KCTD8: variants seen among roughly 807,000 people sequenced by gnomAD.
KCTD8 encodes the protein BTB/POZ domain-containing protein KCTD8.
A neutral mutation model predicts 31.5 loss-of-function variants in KCTD8; 27 were observed. The ratio of observed to expected loss-of-function variants is 0.86; its 90% confidence interval spans 0.63 to 1.18. The LOEUF is 1.18. KCTD8 is among the 50% of genes most tolerant of loss of function. The pLI, the probability that KCTD8 is intolerant of heterozygous loss-of-function variation, is 0.00. For missense variants in KCTD8, 658 were observed against 647.7 expected (o/e 1.02, Z -0.17); for synonymous variants, 290 against 280.0 (o/e 1.04, Z -0.36).
chr4:44,272,379 C>T (rs994129881), intron 1 of KCTD8, among the ~76,000 whole-genome samples: 5 of 151,440 alleles, frequency 3.3e-5, no homozygotes, highest in African/African-American at 4.9e-5. Flanking sequence ...TTATGGAATC[C>T]GCACAGACTT....
chr4:44,325,723 G>A (rs906972697), intron 1 of KCTD8, among the ~76,000 whole-genome samples: 1 of 151,734 alleles, frequency 6.6e-6, no homozygotes, highest in African/African-American at 2.4e-5. Flanking sequence ...AGATATTATC[G>A]GCAGGCTTGC....
In KCTD8 at chr4:44,448,226, C is replaced by A. The variant is rs377066294; in HGVS notation, c.298G>T (p.Asp100Tyr). Reference protein sequence around the residue: ...PRDSRARFFIDRDGFLFRYVL... With the variant: ...PRDSRARFFIYRDGFLFRYVL... ...TACCTGAAAAGGAAGCCGTCCCGGT[C>A]GATGAAGAAGCGCGCCCGGCTGTCC... The change falls in exon 1 of 2, where the codon GAC becomes TAC. Residue 100 changes from aspartate to tyrosine, a missense_variant. Coordinates refer to ENST00000360029, the MANE Select transcript of KCTD8 (RefSeq NM_198353.3). The surrounding 1 kb of genome is among the most constrained non-coding windows in gnomAD (Gnocchi z 4.1). 2 of 1,611,914 alleles carry A rather than the reference C, an allele frequency of 1.2e-6. No individual in the cohort carries two copies. Among genetic ancestry groups the A allele is most frequent in the South Asian group, 1.1e-5 (1 of 90,962 alleles).
chr4:44,445,573 G>A (rs1721918625), intron 1 of KCTD8, among the ~76,000 whole-genome samples: 1 of 152,010 alleles, frequency 6.6e-6, no homozygotes, highest in African/African-American at 2.4e-5. Context: ...TATACTAAGG[G>A]CACTTTTTTC....
intron 1 of KCTD8, among the ~76,000 whole-genome samples, chr4:44,240,500 G>T (rs540907697): frequency 6.6e-6 from 1 of 152,156 alleles, no homozygotes; most frequent in African/African-American, 2.4e-5. Context: ...GATTTTATTT[G>T]TTTGTTTATT....
At chr4:44,235,604 G>T (rs1432940486) in intron 1 of KCTD8, among the ~76,000 whole-genome samples, 3 of 133,712 alleles carry the variant, frequency 2.2e-5, no homozygotes, top group African/African-American at 8.2e-5. Context: ...GAGAGAGAGA[G>T]TATGAGTAAA....
intron 1 of KCTD8, among the ~76,000 whole-genome samples, chr4:44,224,106 G>A (rs1028969788): frequency 1.3e-5 from 2 of 152,116 alleles, no homozygotes; most frequent in African/African-American, 4.8e-5. Flanking sequence ...TCTTCGATGA[G>A]TAATGGTATA....
chr4:44,186,375 C>T (rs1401810444), intron 1 of KCTD8, among the ~76,000 whole-genome samples: 2 of 152,334 alleles, frequency 1.3e-5, no homozygotes, highest in Non-Finnish European at 2.9e-5. Context: ...CTACTTCCAA[C>T]ACTCAGTAAA....
intron 1 of KCTD8, among the ~76,000 whole-genome samples, chr4:44,264,680 C>G (rs781367338): frequency 1.3e-5 from 2 of 152,180 alleles, no homozygotes; most frequent in East Asian, 1.9e-4. Flanking sequence ...GTCACTCCCC[C>G]CCGAATACTG....
chr4:44,261,689 T>A (rs934417174), intron 1 of KCTD8, among the ~76,000 whole-genome samples: 3 of 152,008 alleles, frequency 2.0e-5, no homozygotes, highest in African/African-American at 7.2e-5. Context: ...ATACAGTATG[T>A]GTCATTCTGT....
intron 1 of KCTD8, among the ~76,000 whole-genome samples, chr4:44,269,964 AT>A (rs1716529261): frequency 6.6e-6 from 1 of 152,268 alleles, no homozygotes; most frequent in South Asian, 2.1e-4. Flanking sequence ...TAGTTCAACC[AT>A]TGTGGAAGTC....
intron 1 of KCTD8, among the ~76,000 whole-genome samples, chr4:44,427,114 A>G (rs1049884141): frequency 3.3e-5 from 5 of 151,540 alleles, no homozygotes; most frequent in Admixed American, 3.3e-4. Context: ...TATGATTACA[A>G]AAGAAGTGCA....
At chr4:44,328,947 G>A (rs1260385437) in intron 1 of KCTD8, among the ~76,000 whole-genome samples, 6 of 151,814 alleles carry the variant, frequency 4.0e-5, no homozygotes, top group African/African-American at 1.5e-4. Context: ...GTGTCCAACC[G>A]TGCAAGATAC....
At chr4:44,190,555 C>T (rs1167427839) in intron 1 of KCTD8, among the ~76,000 whole-genome samples, 1 of 152,126 alleles carries the variant, frequency 6.6e-6, no homozygotes, top group Non-Finnish European at 1.5e-5. Flanking sequence ...AATCATAATG[C>T]CCTACCAAAT....
chr4:44,283,397 T>C (rs1317106109), intron 1 of KCTD8, among the ~76,000 whole-genome samples: 2 of 152,068 alleles, frequency 1.3e-5, no homozygotes, highest in East Asian at 1.9e-4. Flanking sequence ...TCATCTGACA[T>C]TTTCATAGCT....
intron 1 of KCTD8, among the ~76,000 whole-genome samples, chr4:44,410,312 T>C (rs1226250306): frequency 1.3e-5 from 2 of 152,148 alleles, no homozygotes; most frequent in Non-Finnish European, 2.9e-5. Context: ...TAACTAACAG[T>C]GTAATACTAA....
chr4:44,237,407 C>T (rs1001007086), intron 1 of KCTD8, among the ~76,000 whole-genome samples: 3 of 152,124 alleles, frequency 2.0e-5, no homozygotes, highest in African/African-American at 7.2e-5. Flanking sequence ...AGACCATGAC[C>T]CTATGGGTTA....
chr4:44,190,401 T>A (rs1266656882), intron 1 of KCTD8, among the ~76,000 whole-genome samples: 1 of 152,244 alleles, frequency 6.6e-6, no homozygotes, highest in Non-Finnish European at 1.5e-5. Flanking sequence ...CATCTGTTTA[T>A]AATGATACTT....
chr4:44,266,492 G>A (rs958600962), intron 1 of KCTD8, among the ~76,000 whole-genome samples: 14 of 152,146 alleles, frequency 9.2e-5, no homozygotes, highest in Non-Finnish European at 2.1e-4. Context: ...CAACTAACGA[G>A]CAAAATAACC....
At chr4:44,355,494 A>G (rs1298601335) in intron 1 of KCTD8, among the ~76,000 whole-genome samples, 2 of 152,174 alleles carry the variant, frequency 1.3e-5, no homozygotes, top group African/African-American at 2.4e-5. Context: ...TCAAAACTAA[A>G]TTAACTAATC....
Sources: gnomAD v4.1 joint callset for allele counts (sites outside exome capture counted in the v4.1 genomes callset) on GRCh38, gnomAD v4.1.1 for gene constraint, Gnocchi (gnomAD v3.1) non-coding constraint, MANE v1.5 for transcripts, NCBI Gene and HGNC (gene_info 2026-07-23, HGNC 2026-07-21) for gene names.